The following DTHD1 variants were observed in gnomAD, a reference collection of about 807,000 sequenced individuals.
The protein encoded by DTHD1 is death domain-containing protein 1.
Under a neutral mutation model 74.8 loss-of-function variants are expected in DTHD1, and 59 were observed. The observed-to-expected ratio is 0.79, with a 90% confidence interval of 0.64 to 0.98. The LOEUF (loss-of-function observed/expected upper bound fraction) is 0.98. Among genes scored for constraint, DTHD1 ranks in the 50% least tolerant of loss-of-function variants. DTHD1 has a pLI of 0.00. For missense variants in DTHD1, 1,051 were observed against 1,065.4 expected (o/e 0.99, Z 0.19); for synonymous variants, 365 against 371.1 (o/e 0.98, Z 0.19).
chr4:36,324,407 C>T (rs1286138991), intron 8 of DTHD1, among the ~76,000 whole-genome samples: 1 of 152,176 alleles, frequency 6.6e-6, no homozygotes, highest in Non-Finnish European at 1.5e-5. Context: ...ACAAAGGAAG[C>T]ACAGATATTC....
chr4:36,292,733 T>A (rs971102421), intron 3 of DTHD1, among the ~76,000 whole-genome samples: 1 of 152,228 alleles, frequency 6.6e-6, no homozygotes, highest in South Asian at 2.1e-4. Flanking sequence ...TTCGTGTATG[T>A]GAGCATGATT....
rs1757722009 is a variant in DTHD1 at position 36,316,259 on chromosome 4, G to A, written c.2113G>A (p.Gly705Arg). 2.6e-6 allele frequency: 4 copies of A among 1,550,954 alleles called. No individual in the cohort carries two copies. Among genetic ancestry groups the A allele is most frequent in the African/African-American group, 1.4e-5 (1 of 73,000 alleles). ...IFASSNGKDY[G>R]KDYTLIFHLQ... is the part of the protein sequence containing the mutation. ...CTATTTAGGCAACGGGAAGGATTAT[G>A]GAAAAGACTACACACTTATTTTTCA... Residue 705 changes from glycine (G) to arginine (R), a missense_variant, in exon 8 of 10, where the codon GGA becomes AGA. Gly to Arg is a moderately radical substitution (Grantham distance 125). Transcript: ENST00000639862.
chr4:36,290,398 A>ACTGG lies in DTHD1; in HGVS notation c.915_918dup (p.Pro307TrpfsTer33). ...GTATCTTGATGTGCTGAGTGATGTT[A>ACTGG]CTGGCCCCCAAGTGTCTTGTTATAT... On this transcript the variant is annotated frameshift_variant, in exon 3 of 10. Coordinates refer to ENST00000639862, the MANE Select transcript of DTHD1 (RefSeq NM_001170700.3). LOFTEE classifies it high-confidence loss of function. 2 of 1,551,228 alleles carry ACTGG rather than the reference A, an allele frequency of 1.3e-6. No individual in the cohort carries two copies. Among genetic ancestry groups the ACTGG allele is most frequent in the Non-Finnish European group, 1.7e-6 (2 of 1,146,414 alleles).
Position 36,293,630 on chromosome 4 carries a change from G to C in DTHD1, c.1323G>C (p.Lys441Asn), listed in dbSNP as rs182788481. ...FTVTKKGLAL[K>N]SSMDSRISLN... ...TAACAAAGAAAGGCCTCGCTCTTAA[G>C]TCAAGCATGGATTCCCGAATATCCT... is the stretch of plus-strand genomic sequence containing the variant. The change falls in exon 4 of 10, where the codon AAG becomes AAC. Residue 441 changes from lysine (K) to asparagine (N), a missense_variant. Coordinates refer to ENST00000639862, the MANE Select transcript of DTHD1 (RefSeq NM_001170700.3). 1 of 1,548,632 alleles carries C rather than the reference G, an allele frequency of 6.5e-7. No homozygotes were observed. The highest frequency in any genetic ancestry group is 2.0e-5 in the Admixed American group (1 of 50,946).
chr4:36,292,289 T>C (rs1322440289), intron 3 of DTHD1, among the ~76,000 whole-genome samples: 2 of 151,930 alleles, frequency 1.3e-5, no homozygotes, highest in Non-Finnish European at 2.9e-5. Flanking sequence ...AGATGTTCAG[T>C]AAATGGATAA....
At chr4:36,294,528 G>A (rs1290975253) in intron 4 of DTHD1, among the ~76,000 whole-genome samples, 1 of 151,782 alleles carries the variant, frequency 6.6e-6, no homozygotes, top group African/African-American at 2.4e-5. Flanking sequence ...TCATTTTGTT[G>A]CCTGCAATTA....
intron 7 of DTHD1, 92 bp downstream of exon 7, chr4:36,308,585 C>A: frequency 9.5e-7 from 1 of 1,048,336 alleles, no homozygotes; most frequent in Non-Finnish European, 1.3e-6. Flanking sequence ...CTAAGGAAAC[C>A]TTCAGAGGAT....
intron 9 of DTHD1, among the ~76,000 whole-genome samples, chr4:36,341,692 A>C (rs1759321065): frequency 6.6e-6 from 1 of 152,228 alleles, no homozygotes; most frequent in African/African-American, 2.4e-5. Flanking sequence ...TGAATAACAC[A>C]AGATTCAGAT....
intron 8 of DTHD1, among the ~76,000 whole-genome samples, chr4:36,337,066 G>A (rs542911464): frequency 7.9e-5 from 12 of 152,264 alleles, no homozygotes; most frequent in African/African-American, 2.9e-4. Flanking sequence ...GAGGCCAAAT[G>A]TTGGCTGACT....
chr4:36,306,336 T>A lies in DTHD1; in HGVS notation c.1789T>A (p.Tyr597Asn). The change falls in exon 6 of 10, where the codon TAT becomes AAT. Residue 597 changes from tyrosine (Y) to asparagine (N), a missense_variant. Transcript: ENST00000639862. ...IQSGLVSVEL[Y>N]EHLERFIVLH... ...GAGCGGCTTGGTATCAGTTGAATTG[T>A]ATGAACATTTGGAGAGGTAATACCA... 2 of 1,549,236 alleles carry A rather than the reference T, an allele frequency of 1.3e-6. No individual in the cohort carries two copies. Among genetic ancestry groups the A allele is most frequent in the South Asian group, 2.4e-5 (2 of 83,422 alleles).
Position 36,282,030 on chromosome 4 carries a change from G to T in DTHD1, c.271+1G>T. On this transcript the variant is annotated splice_donor_variant, in intron 1 of 9. Coordinates refer to ENST00000639862, the MANE Select transcript of DTHD1 (RefSeq NM_001170700.3). LOFTEE classifies it high-confidence loss of function. ...GAGAATCAATGTGTCTCGAGAAAAG[G>T]CAAGTATTCTTTTTTTTAGTTTATT... 1 of 1,521,730 alleles carries T rather than the reference G, an allele frequency of 6.6e-7. No homozygotes were observed. The highest frequency in any genetic ancestry group is 8.8e-7 in the Non-Finnish European group (1 of 1,131,276). 94.3% of individuals were successfully genotyped at this position (1,521,730 alleles called of 1,614,324 possible). A position where few individuals can be genotyped will look rare whatever the true frequency, so the allele number is the denominator to read the frequency against.
chr4:36,283,223 AG>A (rs756966040), intron 1 of DTHD1, among the ~76,000 whole-genome samples: 1 of 152,228 alleles, frequency 6.6e-6, no homozygotes, highest in Non-Finnish European at 1.5e-5. Flanking sequence ...ATGAACAAAT[AG>A]GAGAGTGGGA....
intron 6 of DTHD1, among the ~76,000 whole-genome samples, chr4:36,307,024 G>A (rs551715293): frequency 1.0e-3 from 156 of 152,268 alleles, no homozygotes; most frequent in African/African-American, 3.5e-3. Context: ...GACACGCTCC[G>A]GGGAGCTCTG....
chr4:36,293,811 G>A (rs1453981284), intron 4 of DTHD1, 106 bp downstream of exon 4: 2 of 1,011,662 alleles, frequency 2.0e-6, no homozygotes, highest in East Asian at 5.7e-5. Context: ...AACAAAAAAT[G>A]GATTATTTTC....
intron 2 of DTHD1, 96 bp downstream of exon 2, chr4:36,284,687 C>A (rs1187789667): frequency 8.3e-6 from 8 of 961,126 alleles, no homozygotes; most frequent in Non-Finnish European, 1.2e-5. Flanking sequence ...GCTGCTACAA[C>A]AAAACATCAT....
At chr4:36,314,136 A>T (rs144461161) in intron 7 of DTHD1, among the ~76,000 whole-genome samples, 187 of 147,718 alleles carry the variant, frequency 1.3e-3, no homozygotes, top group Middle Eastern at 3.5e-3. Flanking sequence ...TTGCAAAGGG[A>T]TCTACTCCTA....
intron 5 of DTHD1, among the ~76,000 whole-genome samples, chr4:36,304,857 T>A (rs1756955047): frequency 6.6e-6 from 1 of 152,230 alleles, no homozygotes. Flanking sequence ...ATTTTTCCTT[T>A]CTGAATAATC....
intron 9 of DTHD1, among the ~76,000 whole-genome samples, chr4:36,340,900 T>C (rs1041413319): frequency 1.3e-5 from 2 of 151,444 alleles, no homozygotes; most frequent in African/African-American, 4.9e-5. Context: ...GAAAAGAATA[T>C]TGGAAGGAAG....
chr4:36,292,130 A>G (rs1756116672), intron 3 of DTHD1, among the ~76,000 whole-genome samples: 1 of 152,174 alleles, frequency 6.6e-6, no homozygotes, highest in Non-Finnish European at 1.5e-5. Context: ...CAACTAATAC[A>G]TTTTATATTT....
Sources: allele counts gnomAD v4.1 joint callset (sites outside exome capture counted in the v4.1 genomes callset), GRCh38; gene constraint gnomAD v4.1.1; transcripts MANE v1.5; gene names NCBI Gene and HGNC (gene_info 2026-07-23, HGNC 2026-07-21).